CLMN: variants seen among roughly 807,000 people sequenced by gnomAD.
CLMN encodes calmin (calponin-like, transmembrane).
CLMN carries 57 observed loss-of-function variants against 92.7 expected under a neutral mutation model. That is an observed-to-expected ratio of 0.61 (90% CI 0.50 to 0.77). CLMN has a LOEUF of 0.77. Ranked by LOEUF, CLMN falls within the 30% of genes least tolerant of loss-of-function variation. The pLI, the probability that CLMN is intolerant of heterozygous loss-of-function variation, is 0.00. For synonymous variants in CLMN, 466 were observed against 470.6 expected, an observed-to-expected ratio of 0.99 and a Z score of 0.13; for missense variants, 1,158 against 1,237.5, an observed-to-expected ratio of 0.94 and a Z score of 0.96.
In CLMN at chr14:95,189,611, A is replaced by T. The variant is rs1007401738; in HGVS notation, c.*1953T>A. 6.6e-6 allele frequency: 1 copy of T among 152,258 alleles called. No homozygotes were observed. Among genetic ancestry groups the T allele is most frequent in the African/African-American group, 2.4e-5 (1 of 41,478 alleles). The allele number at this position is 152,258 out of a possible 1,614,324, so 9.4% of individuals were successfully genotyped here. On this transcript the variant is annotated 3_prime_UTR_variant, in exon 13 of 13. Transcript: ENST00000298912. ...TTTTCTGAACAAGGTCTAGACCCAT[A>T]AAATGAAATGATTCACATTTGGGTT... is the stretch of plus-strand genomic sequence containing the variant.
chr14:95,227,026 T>A (rs934264999), intron 2 of CLMN, among the ~76,000 whole-genome samples: 1 of 152,012 alleles, frequency 6.6e-6, no homozygotes, highest in Non-Finnish European at 1.5e-5. Flanking sequence ...ACATGGGAGA[T>A]AGGATTAATG....
intron 1 of CLMN, among the ~76,000 whole-genome samples, chr14:95,249,068 C>A (rs993475295): frequency 5.5e-5 from 8 of 145,408 alleles, no homozygotes; most frequent in Non-Finnish European, 1.2e-4. Flanking sequence ...AAAAAAGGCA[C>A]ATGGATTAAA....
In CLMN at chr14:95,245,227, ATATATATATAT is replaced by A. The variant is rs1377695197; in HGVS notation, c.83-15105_83-15095del. Among the ~76,000 whole-genome samples, 9 of 31,236 alleles carry A rather than the reference ATATATATATAT, an allele frequency of 2.9e-4. No individual in the cohort carries two copies. In the East Asian group the frequency reaches 3.3e-3, roughly 11 times the overall value. 20.5% of individuals were successfully genotyped at this position (31,236 alleles called of 152,430 possible). A position where few individuals can be genotyped will look rare whatever the true frequency, so the allele number is the denominator to read the frequency against. ...TATATATTATATATATATATATATT[ATATATATATAT>A]TATATATATATATATAATATATATA... On this transcript the variant is annotated intron_variant, in intron 1 of 12. Transcript: ENST00000298912.
In CLMN at chr14:95,202,985, C is replaced by G; in HGVS notation, c.2364G>C (p.Glu788Asp). Residue 788 changes from glutamate to aspartate, a missense_variant, in exon 9 of 13, where the codon GAG becomes GAC. Coordinates refer to ENST00000298912, the MANE Select transcript of CLMN (RefSeq NM_024734.4). ...QSSSSSSVPG[E>D]SLPSASDQVL... Reference sequence around the variant, plus strand: ...CCTGGTCGCTGGCACTGGGGAGGCTCTCTCCTGGCACCGAGGAACTGGAGC... The same window carrying G: ...CCTGGTCGCTGGCACTGGGGAGGCTGTCTCCTGGCACCGAGGAACTGGAGC... 6.2e-7 allele frequency: 1 copy of G among 1,614,146 alleles called. No homozygotes were observed. The highest frequency in any genetic ancestry group is 8.5e-7 in the Non-Finnish European group (1 of 1,180,028).
At chr14:95,255,545 A>G (rs1011410113) in intron 1 of CLMN, among the ~76,000 whole-genome samples, 7 of 152,188 alleles carry the variant, frequency 4.6e-5, no homozygotes, top group African/African-American at 1.7e-4. Flanking sequence ...TGCAGTTTCA[A>G]GCATCCCTGG....
chr14:95,252,133 G>A (rs914492288), intron 1 of CLMN, among the ~76,000 whole-genome samples: 5 of 152,206 alleles, frequency 3.3e-5, no homozygotes, highest in African/African-American at 1.2e-4. Flanking sequence ...AGGAGCAACA[G>A]GGGGTGCTGA....
Position 95,204,389 on chromosome 14 carries a change from T to A in CLMN, c.960A>T (p.Glu320Asp). 2.5e-6 allele frequency: 4 copies of A among 1,613,938 alleles called. No homozygotes were observed. The highest frequency in any genetic ancestry group is 3.4e-6 in the Non-Finnish European group (4 of 1,179,968). Residue 320 changes from glutamate (E) to aspartate (D), a missense_variant, in exon 9 of 13, where the codon GAA (glutamate) becomes GAT (aspartate). Physicochemically the swap from Glu to Asp is conservative, Grantham distance 45. Coordinates refer to ENST00000298912, the MANE Select transcript of CLMN (RefSeq NM_024734.4). ...TFVRIKETPS[E>D]QESKVFVLTE... ...TCAGAACGAAGACTTTGCTCTCCTG[T>A]TCAGAAGGAGTTTCTTTGATGCGAA...
chr14:95,198,173 C>T (rs1212412683), intron 9 of CLMN, among the ~76,000 whole-genome samples: 5 of 150,838 alleles, frequency 3.3e-5, no homozygotes, highest in East Asian at 2.0e-4. Flanking sequence ...CCTCAGCCTC[C>T]GGAGTAGCTG....
At chr14:95,308,999 C>T (rs970687016) in intron 1 of CLMN, among the ~76,000 whole-genome samples, 15 of 152,096 alleles carry the variant, frequency 9.9e-5, no homozygotes, top group Non-Finnish European at 2.1e-4. Flanking sequence ...AAACCTACCA[C>T]GAGACAACAA....
At position 95,187,827 on chromosome 14, in the gene CLMN, T is replaced by C. The variant is rs1487339123; in HGVS notation, c.*3737A>G. On this transcript the variant is annotated 3_prime_UTR_variant, in exon 13 of 13. Transcript: ENST00000298912. ...TAGGAGTTAAAATCTAGCCTTTTCA[T>C]TGTTCCTCGAGCATTGTCCAAGCTC... is the stretch of plus-strand genomic sequence containing the variant. 6.6e-6 allele frequency: 1 copy of C among 152,206 alleles called. No homozygotes were observed. The highest frequency in any genetic ancestry group is 6.5e-5 in the Admixed American group (1 of 15,280). The allele number at this position is 152,206 out of a possible 1,614,324, so 9.4% of individuals were successfully genotyped here.
intron 12 of CLMN, chr14:95,192,865 C>T (rs968658772): frequency 2.6e-5 from 4 of 154,836 alleles, no homozygotes; most frequent in African/African-American, 9.6e-5. Context: ...AACACGACTG[C>T]ATTTCTCAAC....
At chr14:95,309,609 G>C (rs1375792099) in intron 1 of CLMN, among the ~76,000 whole-genome samples, 1 of 152,164 alleles carries the variant, frequency 6.6e-6, no homozygotes, top group South Asian at 2.1e-4. Flanking sequence ...TCCTCTTAAA[G>C]CCCACTCCTG....
chr14:95,300,094 G>A lies in CLMN; in HGVS notation c.82+19617C>T, dbSNP rs954571423. 4.6e-5 allele frequency among the ~76,000 whole-genome samples: 7 copies of A among 152,324 alleles called. No individual in the cohort carries two copies. In the South Asian group the frequency reaches 1.2e-3, roughly 27 times the overall value. On this transcript the variant is annotated intron_variant, in intron 1 of 12. Transcript: ENST00000298912. ...AGCTCTGATTGGAAAGCAGCCTCCC[G>A]TCTCCCACTATGGAGGTGGCCCAGA... is the stretch of plus-strand genomic sequence containing the variant.
intron 1 of CLMN, among the ~76,000 whole-genome samples, chr14:95,264,434 G>C (rs1899386724): frequency 6.6e-6 from 1 of 152,140 alleles, no homozygotes; most frequent in African/African-American, 2.4e-5. Flanking sequence ...CCCTGGGTTA[G>C]TCCCGTAAAA....
At chr14:95,315,194 T>C (rs1901711134) in intron 1 of CLMN, among the ~76,000 whole-genome samples, 1 of 152,100 alleles carries the variant, frequency 6.6e-6, no homozygotes, top group Non-Finnish European at 1.5e-5. Context: ...AGAAGGTTGG[T>C]GTGGCATCCT....
rs1566891096 is a variant in CLMN at position 95,245,222 on chromosome 14, ATATTATATATATATAT to A, written c.83-15105_83-15090del. 2.0e-3 allele frequency among the ~76,000 whole-genome samples: 67 copies of A among 33,414 alleles called. 1 individual carries two copies. Among genetic ancestry groups the A allele is most frequent in the African/African-American group, 3.2e-3 (17 of 5,366 alleles). The allele number at this position is 33,414 out of a possible 152,430, so 21.9% of individuals were successfully genotyped here. ...ATATATATATATTATATATATATAT[ATATTATATATATATAT>A]TATATATATATATATAATATATATA... On this transcript the variant is annotated intron_variant, in intron 1 of 12. Coordinates refer to ENST00000298912, the MANE Select transcript of CLMN (RefSeq NM_024734.4).
rs148781467 is a variant in CLMN at position 95,279,056 on chromosome 14, C to T, written c.82+40655G>A. ...CGACTACTGGATCTTCTTCTGTCTGCATGTATTTATATGTGTTCTGTGTGT... is the reference window on the plus strand; with the variant it reads ...CGACTACTGGATCTTCTTCTGTCTGTATGTATTTATATGTGTTCTGTGTGT... On this transcript the variant is annotated intron_variant, in intron 1 of 12. Transcript: ENST00000298912. Among the ~76,000 whole-genome samples, 1,246 of 152,220 alleles carry T rather than the reference C, an allele frequency of 8.2e-3. 32 individuals are homozygous for T. Among genetic ancestry groups the T allele is most frequent in the Middle Eastern group, 0.01 (3 of 294 alleles).
At chr14:95,283,844 TA>T (rs561050203) in intron 1 of CLMN, among the ~76,000 whole-genome samples, 1 of 152,338 alleles carries the variant, frequency 6.6e-6, no homozygotes, top group African/African-American at 2.4e-5. Flanking sequence ...GCAGTCTGAC[TA>T]TGCGATAGAA....
rs568407944 is a variant in CLMN, at chr14:95,261,285, T to A, written c.83-31152A>T. 7.2e-5 allele frequency among the ~76,000 whole-genome samples: 11 copies of A among 151,924 alleles called. No individual in the cohort carries two copies. The South Asian group carries it at 2.3e-3, about 32-fold the overall frequency. ...AAGCAGAAGGCCGAGGCCCATTGCCTCGTTTCACCTCCGCTGGGAACGTGC... is the reference window on the plus strand; with the variant it reads ...AAGCAGAAGGCCGAGGCCCATTGCCACGTTTCACCTCCGCTGGGAACGTGC... On this transcript the variant is annotated intron_variant, in intron 1 of 12. Coordinates refer to ENST00000298912, the MANE Select transcript of CLMN (RefSeq NM_024734.4).
Sources: allele counts gnomAD v4.1 joint callset (sites outside exome capture counted in the v4.1 genomes callset), GRCh38; gene constraint gnomAD v4.1.1; transcripts MANE v1.5; gene names NCBI Gene and HGNC (gene_info 2026-07-23, HGNC 2026-07-21).